SENP7: variants seen among roughly 807,000 people sequenced by gnomAD.
The protein encoded by SENP7 is SUMO specific peptidase 7.
In SENP7, 64 loss-of-function variants were observed where a neutral mutation model predicts 141.2. The observed-to-expected ratio is 0.45, with a 90% CI of 0.37 to 0.56. The LOEUF (loss-of-function observed/expected upper bound fraction) is 0.56, where lower values mean the gene tolerates loss of function less well. Among genes scored for constraint, SENP7 ranks in the 20% least tolerant of loss-of-function variants. The pLI, the probability that SENP7 is intolerant of heterozygous loss-of-function variation, is 0.00. For synonymous variants in SENP7, 382 were observed against 426.4 expected (o/e 0.90, Z 1.28); for missense variants, 1,025 against 1,212.2 (o/e 0.85, Z 2.29).
chr3:101,440,564 T>A (rs1193824950), intron 4 of SENP7, among the ~76,000 whole-genome samples: 3 of 116,746 alleles, frequency 2.6e-5, no homozygotes, highest in Admixed American at 8.3e-5. Flanking sequence ...CCAAGAATTA[T>A]CAATAAAAAA....
chr3:101,325,967 C>T lies in SENP7; in HGVS notation c.3129G>A (p.Gln1043=). Residue 1043 remains glutamine (Q), a synonymous_variant, in exon 24 of 24, where the codon CAG becomes CAA. Coordinates refer to ENST00000394095, the MANE Select transcript of SENP7 (RefSeq NM_020654.5). ...ACTAGCTACTGCTGCCCTTCTGTTG[C>T]TGTAAATGAAGTTTCAAGATGAGCT... ...IRELILKLHL[Q]QQKGSSS The T allele has an allele frequency of 6.2e-7, 1 of 1,609,424 alleles. No homozygotes were observed. Among genetic ancestry groups the T allele is most frequent in the East Asian group, 2.2e-5 (1 of 44,586 alleles).
At chr3:101,457,880 C>T in intron 4 of SENP7, 1 of 458,588 alleles carries the variant, frequency 2.2e-6, no homozygotes, top group Non-Finnish European at 3.9e-6. Flanking sequence ...GCAAAGTCTT[C>T]AGGATATGTC....
At chr3:101,353,940 T>C (rs2059673360) in intron 11 of SENP7, among the ~76,000 whole-genome samples, 2 of 152,010 alleles carry the variant, frequency 1.3e-5, no homozygotes, top group African/African-American at 2.4e-5. Context: ...TTCTCTAATA[T>C]CTTTACCCAC....
chr3:101,435,107 T>C (rs934622040), intron 4 of SENP7, among the ~76,000 whole-genome samples: 3 of 152,268 alleles, frequency 2.0e-5, no homozygotes, highest in South Asian at 2.1e-4. Flanking sequence ...GATGCAAAGA[T>C]GGTTCAACTT....
At chr3:101,457,374 C>A in intron 4 of SENP7, 1 of 1,429,702 alleles carries the variant, frequency 7.0e-7, no homozygotes, top group Non-Finnish European at 9.8e-7. Context: ...AGCCAGTCTG[C>A]TTAAACTGTT....
chr3:101,492,202 G>C (rs1448776396), intron 3 of SENP7, among the ~76,000 whole-genome samples: 1 of 151,988 alleles, frequency 6.6e-6, no homozygotes. Flanking sequence ...GCAAAACTTT[G>C]TCTCTGCAAA....
In SENP7 at chr3:101,364,882, A is replaced by G; in HGVS notation, c.1428T>C (p.Ser476=). 6.2e-7 allele frequency: 1 copy of G among 1,603,390 alleles called. No individual in the cohort carries two copies. Among genetic ancestry groups the G allele is most frequent in the Non-Finnish European group, 8.5e-7 (1 of 1,174,846 alleles). ...ATGGTAGTTCTAACAATGCTGATTCAGAAGTACTCTCATTTTCATTAGTTG... is the reference window on the plus strand; with the variant it reads ...ATGGTAGTTCTAACAATGCTGATTCGGAAGTACTCTCATTTTCATTAGTTG... ...RETTNENEST[S]ESALLELPLI... is the part of the protein sequence containing the mutation. The change falls in exon 10 of 24, where the codon TCT becomes TCC. Residue 476 remains serine (S), a synonymous_variant. Transcript: ENST00000394095.
chr3:101,450,530 A>C (rs2063089043), intron 4 of SENP7, among the ~76,000 whole-genome samples: 2 of 152,234 alleles, frequency 1.3e-5, no homozygotes, highest in African/African-American at 2.4e-5. Context: ...ACCACAGTGC[A>C]ATTAAACAAG....
intron 13 of SENP7, among the ~76,000 whole-genome samples, chr3:101,344,688 T>C (rs2059409106): frequency 6.6e-6 from 1 of 152,138 alleles, no homozygotes. Context: ...TATAGGTGCA[T>C]ATGGGAAAGT....
rs191174452 is a variant in SENP7, at chr3:101,467,150, G to C, written c.187-8098C>G. On this transcript the variant is annotated intron_variant, in intron 3 of 23. Coordinates refer to ENST00000394095, the MANE Select transcript of SENP7 (RefSeq NM_020654.5). Reference sequence around the variant, plus strand: ...TGGGGGAGGGGCATCCGCCATTGCTGAGGCTTGAGTAGGTAAACAAAGTGG... The same window carrying C: ...TGGGGGAGGGGCATCCGCCATTGCTCAGGCTTGAGTAGGTAAACAAAGTGG... Among the ~76,000 whole-genome samples the C allele has an allele frequency of 9.8e-5, 15 of 152,370 alleles. No individual in the cohort carries two copies. The East Asian group carries it at 2.7e-3, about 27-fold the overall frequency.
At chr3:101,417,534 C>A (rs896040312) in intron 5 of SENP7, 59 bp downstream of exon 5, 10 of 1,334,678 alleles carry the variant, frequency 7.5e-6, no homozygotes, top group Non-Finnish European at 1.1e-5. Context: ...ATTAGGAGTA[C>A]GGGATTCATA....
intron 9 of SENP7, 107 bp downstream of exon 9, chr3:101,366,323 T>C (rs2060036672): frequency 7.3e-6 from 5 of 684,226 alleles, no homozygotes; most frequent in Non-Finnish European, 1.2e-5. Context: ...TCCACAATGA[T>C]GTCATAAACA....
intron 3 of SENP7, among the ~76,000 whole-genome samples, chr3:101,489,807 C>T (rs1457591564): frequency 6.6e-6 from 1 of 152,132 alleles, no homozygotes. Flanking sequence ...ATTAACTGGA[C>T]CTAATAGACA....
chr3:101,437,785 G>T (rs1372750553), intron 4 of SENP7, among the ~76,000 whole-genome samples: 1 of 152,146 alleles, frequency 6.6e-6, no homozygotes, highest in Non-Finnish European at 1.5e-5. Context: ...CATAGGGCTT[G>T]TGTAGCCGTT....
intron 6 of SENP7, among the ~76,000 whole-genome samples, chr3:101,396,968 C>G (rs545025704): frequency 1.6e-4 from 24 of 152,296 alleles, no homozygotes; most frequent in African/African-American, 5.8e-4. Flanking sequence ...CTCAGCCTCC[C>G]AAGTGGTTGG....
At chr3:101,376,480 C>T (rs984277707) in intron 6 of SENP7, among the ~76,000 whole-genome samples, 1 of 152,054 alleles carries the variant, frequency 6.6e-6, no homozygotes, top group African/African-American at 2.4e-5. Flanking sequence ...AGAGTAACAT[C>T]AACAAGTAAA....
intron 6 of SENP7, among the ~76,000 whole-genome samples, chr3:101,375,972 G>A (rs1235553753): frequency 6.6e-6 from 1 of 152,162 alleles, no homozygotes; most frequent in Non-Finnish European, 1.5e-5. Flanking sequence ...GGAGAGGGGA[G>A]AATGGGGAAT....
chr3:101,394,988 G>T (rs1260444905), intron 6 of SENP7, among the ~76,000 whole-genome samples: 1 of 151,934 alleles, frequency 6.6e-6, no homozygotes, highest in East Asian at 1.9e-4. Flanking sequence ...CTTTTTAGTG[G>T]GATTATTTGT....
chr3:101,398,389 G>C (rs2107576722), intron 6 of SENP7, among the ~76,000 whole-genome samples: 1 of 152,314 alleles, frequency 6.6e-6, no homozygotes, highest in African/African-American at 2.4e-5. Flanking sequence ...GAACCTGGGA[G>C]GCAGAGGTTG....
Sources: allele counts gnomAD v4.1 joint callset (sites outside exome capture counted in the v4.1 genomes callset), GRCh38; gene constraint gnomAD v4.1.1; transcripts MANE v1.5; gene names NCBI Gene and HGNC (gene_info 2026-07-23, HGNC 2026-07-21).